Variants in RUFY4 observed in about 807,000 individuals in gnomAD.
RUFY4 encodes the protein RUN and FYVE domain-containing protein 4.
A neutral mutation model predicts 69.0 loss-of-function variants in RUFY4; 73 were observed. That is an observed-to-expected ratio of 1.06 (90% CI 0.88 to 1.29). The LOEUF is 1.29. Ranked by LOEUF, RUFY4 falls within the 50% of genes most tolerant of loss-of-function variation. The probability of loss-of-function intolerance (pLI) is 0.00; values close to 1 mark genes in which losing one functional copy is unlikely to be tolerated. For missense variants in RUFY4, 770 were observed against 705.6 expected, an observed-to-expected ratio of 1.09 and a Z score of -1.03; for synonymous variants, 287 against 271.8, an observed-to-expected ratio of 1.06 and a Z score of -0.55.
At chr2:218,089,335 G>A in exon 10 of RUFY4, 3 of 1,613,856 alleles carry the variant, frequency 1.9e-6, no homozygotes, top group Non-Finnish European at 2.5e-6. Flanking sequence ...AAGATCTTTG[G>A]CCGATTTTCT....
At chr2:218,076,243 C>T (rs1325601521) in intron 7 of RUFY4, among the ~76,000 whole-genome samples, 184 bp from the exon 10 acceptor site, 4 of 152,182 alleles carry the variant, frequency 2.6e-5, no homozygotes, top group Non-Finnish European at 5.9e-5. Context: ...AGGAAGAAAC[C>T]GTGGCCCAGG....
intron 3 of RUFY4, among the ~76,000 whole-genome samples, chr2:218,062,899 G>A (rs1232116281): frequency 1.3e-5 from 2 of 152,174 alleles, no homozygotes; most frequent in Admixed American, 1.3e-4. Flanking sequence ...GCGGCAGGAA[G>A]CAGAGAAAAC....
Position 218,060,312 on chromosome 2 carries a change from C to G in RUFY4, c.-1071+1631C>G, listed in dbSNP as rs548236758. 9 of 1,509,428 alleles carry G rather than the reference C, an allele frequency of 6.0e-6. No individual in the cohort carries two copies. The East Asian group carries it at 2.0e-4, about 34-fold the overall frequency. 93.5% of individuals were successfully genotyped at this position (1,509,428 alleles called of 1,614,324 possible). ...GACTGTGAAGAGAAGGGAGGAACCCCACGGGACTGCACTTAGGCAAGAGGT... is the reference window on the plus strand; with the variant it reads ...GACTGTGAAGAGAAGGGAGGAACCCGACGGGACTGCACTTAGGCAAGAGGT... On this transcript the variant is annotated intron_variant and NMD_transcript_variant, in intron 3 of 13. Transcript: ENST00000457754.
At chr2:218,044,727 G>A (rs1212702186) in intron 2 of RUFY4, among the ~76,000 whole-genome samples, 2 of 152,284 alleles carry the variant, frequency 1.3e-5, no homozygotes, top group African/African-American at 4.8e-5. Flanking sequence ...GTTTGCTAAG[G>A]ATAATAGCCT....
chr2:218,078,903 T>A (rs1226084113), intron 8 of RUFY4, among the ~76,000 whole-genome samples: 1 of 152,178 alleles, frequency 6.6e-6, no homozygotes, highest in African/African-American at 2.4e-5. Context: ...GTTTCGCTCT[T>A]GCTGCCCAGG....
At chr2:218,070,049 A>G (rs986524572), upstream of RUFY4, among the ~76,000 whole-genome samples, 5 of 152,190 alleles carry the variant, frequency 3.3e-5, no homozygotes. Context: ...GGGCACAGGA[A>G]AGGATGAGTA....
intron 3 of RUFY4, among the ~76,000 whole-genome samples, chr2:218,063,321 A>G (rs1689243994): frequency 1.3e-5 from 2 of 152,358 alleles, no homozygotes; most frequent in Middle Eastern, 3.4e-3. Context: ...TAAAGGTCCC[A>G]GAACCCACTT....
At chr2:218,062,666 G>A (rs938057045) in intron 3 of RUFY4, among the ~76,000 whole-genome samples, 1 of 152,116 alleles carries the variant, frequency 6.6e-6, no homozygotes, top group Non-Finnish European at 1.5e-5. Context: ...AGCCGAGATG[G>A]CACTGCTGTG....
chr2:218,075,264 A>T lies in RUFY4; in HGVS notation c.772A>T (p.Lys258Ter). 1 of 1,585,576 alleles carries T rather than the reference A, an allele frequency of 6.3e-7. No homozygotes were observed. Among genetic ancestry groups the T allele is most frequent in the Non-Finnish European group, 8.6e-7 (1 of 1,165,820 alleles). ...GGAAAAGAAGGGGGAAAGTTCCAGG[A>T]AACATAGGTACCCCCAGAGCATGTG... Residue 258 changes from lysine to a stop codon, truncating the protein, a stop_gained, in exon 7 of 11, where the codon AAA (lysine) becomes TAA (stop). Transcript: ENST00000344321. LOFTEE classifies it high-confidence loss of function.
chr2:218,038,918 C>T (rs1320955238), intron 2 of RUFY4, among the ~76,000 whole-genome samples: 1 of 152,136 alleles, frequency 6.6e-6, no homozygotes. Context: ...GAGCTTGCAG[C>T]AGTCTTCTCC....
chr2:218,087,999 A>G (rs930602844), intron 9 of RUFY4, among the ~76,000 whole-genome samples: 1 of 152,184 alleles, frequency 6.6e-6, no homozygotes, highest in African/African-American at 2.4e-5. Flanking sequence ...AGAAGGAAAT[A>G]TAGGAGCATA....
At chr2:218,060,826 C>T in intron 3 of RUFY4, 8 of 1,580,860 alleles carry the variant, frequency 5.1e-6, no homozygotes, top group Non-Finnish European at 6.9e-6. Context: ...TTGCCCATGT[C>T]CTCATAGCAG....
At chr2:218,051,853 A>G (rs1023924107) in intron 2 of RUFY4, among the ~76,000 whole-genome samples, 3 of 152,244 alleles carry the variant, frequency 2.0e-5, no homozygotes, top group African/African-American at 7.2e-5. Context: ...AACAACAACA[A>G]CAACAAAAAC....
chr2:218,079,690 C>T (rs1469757981), intron 8 of RUFY4, among the ~76,000 whole-genome samples: 1 of 152,070 alleles, frequency 6.6e-6, no homozygotes, highest in Non-Finnish European at 1.5e-5. Flanking sequence ...AGCCAGGGAG[C>T]TAAGGACAAA....
chr2:218,042,826 G>A (rs73082336), intron 2 of RUFY4, among the ~76,000 whole-genome samples: 5,463 of 152,146 alleles, frequency 0.036, 305 homozygotes, highest in African/African-American at 0.12. Flanking sequence ...AAAATGAACA[G>A]GACCAGAATT....
At position 218,075,755 on chromosome 2, in the gene RUFY4, G is replaced by C; in HGVS notation, c.1248+15G>C. 7.2e-7 allele frequency: 1 copy of C among 1,388,880 alleles called. No individual in the cohort carries two copies. The highest frequency in any genetic ancestry group is 9.4e-7 in the Non-Finnish European group (1 of 1,067,240). 86.0% of individuals were successfully genotyped at this position (1,388,880 alleles called of 1,614,324 possible). A position where few individuals can be genotyped will look rare whatever the true frequency, so the allele number is the denominator to read the frequency against. ...ACGAGATCAAGGTGAGAACAGTTGA[G>C]CTCCATACCTGGTTATTTGCCCCTG... On this transcript the variant is annotated intron_variant, in intron 7 of 10. Coordinates refer to ENST00000344321, the Ensembl canonical transcript of RUFY4.
At chr2:218,078,216 A>G (rs138573630) in intron 8 of RUFY4, among the ~76,000 whole-genome samples, 167 of 152,368 alleles carry the variant, frequency 1.1e-3, no homozygotes, top group African/African-American at 3.8e-3. Flanking sequence ...AGAAGAAGAC[A>G]TAAAGCAGAC....
chr2:218,084,095 G>A (rs1236390031), intron 9 of RUFY4, among the ~76,000 whole-genome samples: 3 of 152,170 alleles, frequency 2.0e-5, no homozygotes, highest in Non-Finnish European at 4.4e-5. Flanking sequence ...GGAAGATGCG[G>A]AAAGCATAGT....
chr2:218,090,019 C>A, exon 11 of RUFY4: 1 of 1,562,330 alleles, frequency 6.4e-7, no homozygotes, highest in Non-Finnish European at 8.7e-7. Flanking sequence ...CTGCTGCCCA[C>A]CCTGCGCCCA....
Sources: gnomAD v4.1 joint callset for allele counts (sites outside exome capture counted in the v4.1 genomes callset) on GRCh38, gnomAD v4.1.1 for gene constraint, MANE v1.5 for transcripts, NCBI Gene and HGNC (gene_info 2026-07-23, HGNC 2026-07-21) for gene names.